DDX1: variants seen among roughly 807,000 people sequenced by gnomAD.
DDX1 encodes the protein DEAD-box helicase 1, also known as ATP-dependent RNA helicase DDX1.
Under a neutral mutation model 108.7 loss-of-function variants are expected in DDX1, and 28 were observed. That is an observed-to-expected ratio of 0.26 (90% CI 0.19 to 0.35). The LOEUF (loss-of-function observed/expected upper bound fraction) is 0.35. Among genes scored for constraint, DDX1 ranks in the 10% least tolerant of loss-of-function variants. The pLI, the probability that DDX1 is intolerant of heterozygous loss-of-function variation, is 1.00. For missense variants in DDX1, 710 were observed against 884.5 expected (o/e 0.80, Z 2.50); for synonymous variants, 295 against 288.9 (o/e 1.02, Z -0.21).
intron 19 of DDX1, among the ~76,000 whole-genome samples, chr2:15,625,652 T>C (rs946918200): frequency 6.6e-6 from 1 of 152,136 alleles, no homozygotes; most frequent in Non-Finnish European, 1.5e-5. Context: ...TCCTTAAAAT[T>C]ATTTCAGTGT....
intron 13 of DDX1, among the ~76,000 whole-genome samples, chr2:15,612,754 C>T (rs949992300): frequency 9.8e-5 from 15 of 152,368 alleles, no homozygotes; most frequent in African/African-American, 3.1e-4. Context: ...TCTGCAATCC[C>T]GGCACCTCGG....
chr2:15,628,788 A>G lies in DDX1; in HGVS notation c.1833-9A>G, dbSNP rs1417690185. 7.4e-6 allele frequency: 12 copies of G among 1,613,852 alleles called. No homozygotes were observed. The highest frequency in any genetic ancestry group is 1.1e-5 in the South Asian group (1 of 91,076). ...AAAGTCTAATAGAAGGCTTTTAACC[A>G]TCTTTCAGGATGGGTCTGGCAATTT... On this transcript the variant is annotated splice_polypyrimidine_tract_variant and intron_variant, in intron 22 of 25. Coordinates refer to ENST00000233084, the MANE Select transcript of DDX1 (RefSeq NM_004939.3).
At chr2:15,623,372 T>A in intron 18 of DDX1, 64 bp from the exon 19 acceptor site, 1 of 1,506,806 alleles carries the variant, frequency 6.6e-7, no homozygotes. Context: ...ACTATAATTA[T>A]GTGTATTCAT....
chr2:15,629,553 C>A, intron 23 of DDX1, 49 bp from the exon 24 acceptor site: 1 of 1,302,848 alleles, frequency 7.7e-7, no homozygotes, highest in Non-Finnish European at 1.1e-6. Context: ...AGATATTTAG[C>A]ATGTCTCTAT....
intron 13 of DDX1, among the ~76,000 whole-genome samples, chr2:15,610,571 T>G (rs1290131866): frequency 1.3e-5 from 2 of 152,244 alleles, no homozygotes; most frequent in African/African-American, 4.8e-5. Flanking sequence ...GAGTCTTCTT[T>G]CACTCCTTTC....
chr2:15,607,452 A>ATATACAAT, intron 13 of DDX1, 139 bp downstream of exon 13: 4 of 621,994 alleles, frequency 6.4e-6, no homozygotes, highest in South Asian at 7.0e-5. Context: ...AATATACTTT[A>ATATACAAT]ATAATTTCCA....
intron 3 of DDX1, among the ~76,000 whole-genome samples, chr2:15,595,768 C>A (rs1424066228): frequency 6.6e-6 from 1 of 152,240 alleles, no homozygotes; most frequent in East Asian, 1.9e-4. Context: ...AATCTCGTAT[C>A]AGAGAGAATG....
intron 19 of DDX1, among the ~76,000 whole-genome samples, chr2:15,625,768 C>T (rs1394679968): frequency 6.6e-6 from 1 of 152,032 alleles, no homozygotes; most frequent in Non-Finnish European, 1.5e-5. Flanking sequence ...GAAAGACTAA[C>T]ACATTTTGTT....
rs550139835 is a variant in DDX1, at chr2:15,610,167, A to T, written c.956+2854A>T. Among the ~76,000 whole-genome samples the T allele has an allele frequency of 5.9e-5, 9 of 152,284 alleles. No individual in the cohort carries two copies. In the South Asian group the frequency reaches 8.3e-4, roughly 14 times the overall value. On this transcript the variant is annotated intron_variant, in intron 13 of 25. Transcript: ENST00000233084. ...GGCTGGTCTCGAACTCCTGGCCTCA[A>T]GCAATCCTTGTGTCTCCGCCTCCGA...
At position 15,631,046 on chromosome 2, in the gene DDX1, G is replaced by A. The variant is rs1419685190; in HGVS notation, c.*140G>A. ...AACTCTTGCATGTCAAGAAACATTA[G>A]TCTTAGGAATTCTTCAAAAAATGGC... On this transcript the variant is annotated 3_prime_UTR_variant, in exon 26 of 26. Transcript: ENST00000233084. 1 of 711,156 alleles carries A rather than the reference G, an allele frequency of 1.4e-6. No homozygotes were observed. Among genetic ancestry groups the A allele is most frequent in the Non-Finnish European group, 2.1e-6 (1 of 478,372 alleles). The allele number at this position is 711,156 out of a possible 1,614,324, so 44.1% of individuals were successfully genotyped here.
At chr2:15,608,771 C>T (rs1665711034) in intron 13 of DDX1, among the ~76,000 whole-genome samples, 1 of 148,120 alleles carries the variant, frequency 6.8e-6, no homozygotes, top group East Asian at 2.1e-4. Flanking sequence ...AACTCCTAGA[C>T]TCAAGGAATT....
At chr2:15,620,778 T>C (rs556471216) in intron 17 of DDX1, among the ~76,000 whole-genome samples, 5 of 152,288 alleles carry the variant, frequency 3.3e-5, no homozygotes, top group South Asian at 4.2e-4. Context: ...TTCACTGTGA[T>C]TAGATTTGCC....
intron 2 of DDX1, 130 bp downstream of exon 2, chr2:15,595,326 A>T (rs908343914): frequency 2.1e-6 from 2 of 950,518 alleles, no homozygotes; most frequent in Non-Finnish European, 3.2e-6. Flanking sequence ...TGATTTTCTA[A>T]ATTATGGAAA....
intron 19 of DDX1, among the ~76,000 whole-genome samples, chr2:15,625,438 CAAA>C (rs1228507783): frequency 1.3e-5 from 2 of 151,976 alleles, no homozygotes; most frequent in East Asian, 3.9e-4. Flanking sequence ...ACTTTTACCT[CAAA>C]AGAAAAAACT....
rs762884561 is a variant in DDX1 at position 15,603,307 on chromosome 2, A to T, written c.475+32A>T. ...GTTTCTAAAATAACTGAATTGATTG[A>T]TTTACATTTGGGGGATAACATTTTA... On this transcript the variant is annotated intron_variant, in intron 8 of 25. Transcript: ENST00000233084. The T allele has an allele frequency of 2.9e-6, 4 of 1,378,630 alleles. No individual in the cohort carries two copies. In the South Asian group the frequency reaches 4.9e-5, roughly 17 times the overall value. The allele number at this position is 1,378,630 out of a possible 1,614,324, so 85.4% of individuals were successfully genotyped here.
Position 15,606,183 on chromosome 2 carries a change from G to C in DDX1, c.736G>C (p.Glu246Gln), listed in dbSNP as rs760023774. 6 of 1,613,896 alleles carry C rather than the reference G, an allele frequency of 3.7e-6. No homozygotes were observed. Among genetic ancestry groups the C allele is most frequent in the Middle Eastern group, 3.3e-4 (2 of 6,082 alleles). The change falls in exon 12 of 26, where the codon GAA becomes CAA. Residue 246 changes from glutamate (E) to glutamine (Q), a missense_variant. This residue lies in a region of DDX1 where 661 missense variants were observed against 810.2 expected (regional missense o/e 0.82). Transcript: ENST00000233084. Reference sequence around the variant, plus strand: ...ACTGAAATTTAACTTCGGTGAAGAGGAATTTAAGTTTCCACCAAAAGATGG... The same window carrying C: ...ACTGAAATTTAACTTCGGTGAAGAGCAATTTAAGTTTCCACCAAAAGATGG... ...AELKFNFGEE[E>Q]FKFPPKDGFV...
intron 13 of DDX1, among the ~76,000 whole-genome samples, chr2:15,612,247 A>C (rs1410422690): frequency 6.7e-6 from 1 of 149,388 alleles, no homozygotes; most frequent in East Asian, 2.0e-4. Flanking sequence ...CTCACTTCTC[A>C]GACGGGGCGG....
At chr2:15,613,330 G>C (rs753135401) in intron 14 of DDX1, 46 bp downstream of exon 14, 1 of 1,344,022 alleles carries the variant, frequency 7.4e-7, no homozygotes, top group East Asian at 2.3e-5. Context: ...ATGGGCTGTC[G>C]TTTTAGCAAT....
chr2:15,620,089 G>T, intron 16 of DDX1, 119 bp from the exon 17 acceptor site: 1 of 868,186 alleles, frequency 1.2e-6, no homozygotes, highest in African/African-American at 1.7e-5. Context: ...CATAGAGTAA[G>T]GTGTTGAACT....
Sources: gnomAD v4.1 joint callset for allele counts (sites outside exome capture counted in the v4.1 genomes callset) on GRCh38, gnomAD v4.1.1 for gene constraint, gnomAD v4.1.1 regional missense constraint, MANE v1.5 for transcripts, NCBI Gene and HGNC (gene_info 2026-07-23, HGNC 2026-07-21) for gene names.